ARHGEF28: variants seen among roughly 807,000 people sequenced by gnomAD.
ARHGEF28 encodes the protein Rho guanine nucleotide exchange factor 28.
ARHGEF28 carries 152 observed loss-of-function variants against 206.6 expected under a neutral mutation model. The observed-to-expected ratio is 0.74, with a 90% CI of 0.64 to 0.84. The LOEUF is 0.84. Ranked by LOEUF, ARHGEF28 falls within the 40% of genes least tolerant of loss-of-function variation. The pLI, the probability that ARHGEF28 is intolerant of heterozygous loss-of-function variation, is 0.00. For synonymous variants in ARHGEF28, 763 were observed against 776.4 expected (o/e 0.98, Z 0.29); for missense variants, 2,028 against 2,073.2 (o/e 0.98, Z 0.42).
chr5:73,795,234 G>T, intron 8 of ARHGEF28, 97 bp from the exon 9 acceptor site: 1 of 1,083,080 alleles, frequency 9.2e-7, no homozygotes. Context: ...TGTTTTCATT[G>T]ATGCTTTCCA....
intron 6 of ARHGEF28, among the ~76,000 whole-genome samples, chr5:73,779,678 A>C (rs1047411751): frequency 6.6e-6 from 1 of 151,974 alleles, no homozygotes; most frequent in Non-Finnish European, 1.5e-5. Context: ...TGGCCATCTC[A>C]TCACTACCCC....
chr5:73,772,614 A>G (rs57544398), intron 4 of ARHGEF28, among the ~76,000 whole-genome samples: 2,236 of 152,284 alleles, frequency 0.015, 43 homozygotes, highest in African/African-American at 0.051. Context: ...CCTGGGCTCA[A>G]GTGATCCTCC....
chr5:73,693,068 A>G (rs1432851415), intron 2 of ARHGEF28, among the ~76,000 whole-genome samples: 1 of 152,200 alleles, frequency 6.6e-6, no homozygotes, highest in East Asian at 1.9e-4. Context: ...TGGCTTGACT[A>G]AGTTAACTCA....
chr5:73,637,395 A>G lies in ARHGEF28; in HGVS notation c.-12+11073A>G, dbSNP rs141215186. On this transcript the variant is annotated intron_variant, in intron 1 of 35. Transcript: ENST00000513042. ...TTTTTTCCTCAAAAAGAGATAGCAA[A>G]TCTGTAAAACCTCTAGTATTTTATG... Among the ~76,000 whole-genome samples, 800 of 152,304 alleles carry G rather than the reference A, an allele frequency of 5.3e-3. 4 individuals carry two copies. The highest frequency in any genetic ancestry group is 0.018 in the African/African-American group (749 of 41,558).
chr5:73,927,558 T>C lies in ARHGEF28; in HGVS notation c.4949-13286T>C, dbSNP rs570819090. On this transcript the variant is annotated intron_variant, in intron 35 of 35. Coordinates refer to ENST00000513042, the MANE Select transcript of ARHGEF28 (RefSeq NM_001177693.2). ...AATTTATCATGAGACTGGGTCTTAGTAGGTTGCCCAGGCTGGCCTGAGACT... is the reference window on the plus strand; with the variant it reads ...AATTTATCATGAGACTGGGTCTTAGCAGGTTGCCCAGGCTGGCCTGAGACT... Among the ~76,000 whole-genome samples the C allele has an allele frequency of 1.2e-4, 19 of 152,298 alleles. 1 individual carries two copies. Among genetic ancestry groups the C allele is most frequent in the Admixed American group, 3.9e-4 (6 of 15,304 alleles).
At chr5:73,830,383 C>A (rs1250863162) in intron 9 of ARHGEF28, among the ~76,000 whole-genome samples, 1 of 151,860 alleles carries the variant, frequency 6.6e-6, no homozygotes, top group Non-Finnish European at 1.5e-5. Flanking sequence ...GAAACCCCGT[C>A]TCTACTGAAA....
intron 3 of ARHGEF28, 81 bp from the exon 4 acceptor site, chr5:73,752,828 G>A: frequency 6.7e-7 from 1 of 1,501,768 alleles, no homozygotes; most frequent in Non-Finnish European, 9.1e-7. Context: ...CTTAAGCTAT[G>A]TGGTGGGGCT....
intron 35 of ARHGEF28, among the ~76,000 whole-genome samples, chr5:73,935,351 TA>T (rs1764362396): frequency 6.6e-6 from 1 of 152,188 alleles, no homozygotes. Context: ...AAGGGAATTA[TA>T]ATACTAATTT....
intron 2 of ARHGEF28, among the ~76,000 whole-genome samples, chr5:73,714,833 A>G (rs1435296636): frequency 6.6e-6 from 1 of 152,144 alleles, no homozygotes; most frequent in Non-Finnish European, 1.5e-5. Context: ...TCCAAAGATA[A>G]ACACCATTTA....
At chr5:73,684,696 T>C (rs1255417499) in intron 1 of ARHGEF28, 145 bp from the exon 2 acceptor site, 2 of 547,486 alleles carry the variant, frequency 3.7e-6, no homozygotes, top group Non-Finnish European at 6.3e-6. Context: ...ATCTTAGTCC[T>C]TTATTCTTTC....
intron 1 of ARHGEF28, among the ~76,000 whole-genome samples, chr5:73,648,702 G>T (rs995667316): frequency 6.6e-6 from 1 of 152,196 alleles, no homozygotes; most frequent in African/African-American, 2.4e-5. Flanking sequence ...GCTGGCCCCT[G>T]AGATATCACA....
At chr5:73,848,787 G>A (rs574405776) in intron 12 of ARHGEF28, among the ~76,000 whole-genome samples, 189 bp from the exon 13 acceptor site, 77 of 152,196 alleles carry the variant, frequency 5.1e-4, no homozygotes, top group Non-Finnish European at 8.1e-4. Flanking sequence ...GAAGGTTGCT[G>A]AAGTATTAAA....
At chr5:73,690,988 A>G (rs1015509032) in intron 2 of ARHGEF28, among the ~76,000 whole-genome samples, 18 of 151,760 alleles carry the variant, frequency 1.2e-4, no homozygotes, top group Non-Finnish European at 1.8e-4. Context: ...TGGGGAGTGT[A>G]GTGCGATCTT....
intron 1 of ARHGEF28, among the ~76,000 whole-genome samples, chr5:73,670,590 G>A (rs1181540828): frequency 6.6e-6 from 1 of 152,172 alleles, no homozygotes; most frequent in African/African-American, 2.4e-5. Flanking sequence ...TTTCCAGAGT[G>A]GCTTTATTGT....
In ARHGEF28 at chr5:73,753,177, T is replaced by A. The variant is rs1752114949; in HGVS notation, c.450T>A (p.Thr150=). 2.0e-6 allele frequency: 3 copies of A among 1,524,358 alleles called. No individual in the cohort carries two copies. The highest frequency in any genetic ancestry group is 1.8e-4 in the Middle Eastern group (1 of 5,576). The allele number at this position is 1,524,358 out of a possible 1,614,324, so 94.4% of individuals were successfully genotyped here. Residue 150 remains threonine, a synonymous_variant, in exon 4 of 36, where the codon ACT becomes ACA. Transcript: ENST00000513042. ...ATCTGGAATTGCCTCTAGAGTGGAC[T>A]GTGTTGGGAAGTTCTTCACTTGAAG... is the stretch of plus-strand genomic sequence containing the variant. ...LTHLELPLEW[T]VLGSSSLEVS...
chr5:73,697,621 A>G (rs1029750548), intron 2 of ARHGEF28, among the ~76,000 whole-genome samples: 1 of 152,086 alleles, frequency 6.6e-6, no homozygotes, highest in Admixed American at 6.5e-5. Flanking sequence ...ACAATAACCC[A>G]TTAATCATGA....
chr5:73,846,323 T>C lies in ARHGEF28; in HGVS notation c.1483T>C (p.Ser495Pro). The change falls in exon 12 of 36, where the codon TCC (serine) becomes CCC (proline). Residue 495 changes from serine (S) to proline (P), a missense_variant. Ser to Pro is a moderately conservative substitution (Grantham distance 74). This residue lies in a region of ARHGEF28 where 1,002 missense variants were observed against 1,015.3 expected (regional missense o/e 0.99). Coordinates refer to ENST00000513042, the MANE Select transcript of ARHGEF28 (RefSeq NM_001177693.2). ...TGAAGGGGAAGGGCATTCTGAGCCA[T>C]CCCACATCTGTTACACTCCAGGGTC... is the stretch of plus-strand genomic sequence containing the variant. ...DSEGEGHSEP[S>P]HICYTPGSQS... 1.2e-6 allele frequency: 2 copies of C among 1,613,858 alleles called. No individual in the cohort carries two copies. The highest frequency in any genetic ancestry group is 1.7e-6 in the Non-Finnish European group (2 of 1,179,788).
At chr5:73,752,039 T>C (rs1207809802) in intron 3 of ARHGEF28, among the ~76,000 whole-genome samples, 2 of 152,216 alleles carry the variant, frequency 1.3e-5, no homozygotes, top group African/African-American at 4.8e-5. Context: ...GAGGAATGAT[T>C]GTACCTGTTA....
At chr5:73,669,731 C>T (rs1746190059) in intron 1 of ARHGEF28, among the ~76,000 whole-genome samples, 1 of 152,198 alleles carries the variant, frequency 6.6e-6, no homozygotes, top group Non-Finnish European at 1.5e-5. Context: ...CTCACTCTGT[C>T]ATCCAGGCTG....
Sources: allele counts gnomAD v4.1 joint callset (sites outside exome capture counted in the v4.1 genomes callset), GRCh38; gene constraint gnomAD v4.1.1; regional missense constraint gnomAD v4.1.1; transcripts MANE v1.5; gene names NCBI Gene and HGNC (gene_info 2026-07-23, HGNC 2026-07-21).